Variants in SERTAD2 observed in about 807,000 individuals in gnomAD.
SERTAD2 encodes SERTA domain containing 2, also known as SERTA domain-containing protein 2.
Under a neutral mutation model 15.4 loss-of-function variants are expected in SERTAD2, and 2 were observed. That is an observed-to-expected ratio of 0.13 (90% confidence interval 0.05 to 0.41). SERTAD2 has a LOEUF of 0.41. Ranked by LOEUF, SERTAD2 falls within the 10% of genes least tolerant of loss-of-function variation. The probability of loss-of-function intolerance (pLI) is 0.99; values close to 1 mark genes in which losing one functional copy is unlikely to be tolerated. For missense variants in SERTAD2, 333 were observed against 409.7 expected, an observed-to-expected ratio of 0.81 and a Z score of 1.62; for synonymous variants, 180 against 178.0, an observed-to-expected ratio of 1.01 and a Z score of -0.09.
In SERTAD2 at chr2:64,632,883, GAA is replaced by G. The variant is rs35415115; in HGVS notation, c.*3042_*3043del. On this transcript the variant is annotated 3_prime_UTR_variant, in exon 2 of 2. Coordinates refer to ENST00000313349, the MANE Select transcript of SERTAD2 (RefSeq NM_014755.3). ...AAAAGGAATAAATAACTTATGGGGGGAAAAAAACTCACTTCAAATTCAAAGCT... is the reference window on the plus strand; with the variant it reads ...AAAAGGAATAAATAACTTATGGGGGGAAAAACTCACTTCAAATTCAAAGCT... 1.3e-4 allele frequency: 18 copies of G among 143,594 alleles called. No individual in the cohort carries two copies. The highest frequency in any genetic ancestry group is 2.0e-4 in the African/African-American group (8 of 40,942). The allele number at this position is 143,594 out of a possible 1,614,324, so 8.9% of individuals were successfully genotyped here.
rs139138776 is a variant in SERTAD2, at chr2:64,636,280, C to T, written c.592G>A (p.Gly198Arg). The change falls in exon 2 of 2, where the codon GGG (glycine) becomes AGG (arginine). Residue 198 changes from glycine to arginine, a missense_variant. By Grantham distance (125) the Gly-to-Arg change is moderately radical. Coordinates refer to ENST00000313349, the MANE Select transcript of SERTAD2 (RefSeq NM_014755.3). ...AATAATDSVK[G>R]TSSEAGTQKL... The stretch of plus-strand genomic sequence containing the variant: ...TGGGTGCCAGCCTCGCTGGAGGTCC[C>T]TTTCACACTGTCAGTCGCAGCCGTG... 45 of 1,614,188 alleles carry T rather than the reference C, an allele frequency of 2.8e-5. 1 individual carries two copies. The highest frequency in any genetic ancestry group is 2.4e-4 in the South Asian group (22 of 91,088).
In SERTAD2 at chr2:64,636,387, A is replaced by G. The variant is rs774522095; in HGVS notation, c.485T>C (p.Leu162Pro). 25 of 1,614,138 alleles carry G rather than the reference A, an allele frequency of 1.5e-5. No individual in the cohort carries two copies. The highest frequency in any genetic ancestry group is 2.1e-5 in the Non-Finnish European group (25 of 1,180,018). Residue 162 changes from leucine to proline, a missense_variant, in exon 2 of 2, where the codon CTC becomes CCC. Physicochemically the swap from Leu to Pro is moderately conservative, Grantham distance 98. Transcript: ENST00000313349. ...GGAGAAACTGTCCTTTTCTGGCAAGAGGGCTGGAGGTGACAGTTTGGTGGG... is the reference window on the plus strand; with the variant it reads ...GGAGAAACTGTCCTTTTCTGGCAAGGGGGCTGGAGGTGACAGTTTGGTGGG... ...TAPTKLSPPA[L>P]LPEKDSFSSA...
chr2:64,637,272 A>G (rs1035544414), intron 1 of SERTAD2, among the ~76,000 whole-genome samples: 37 of 152,254 alleles, frequency 2.4e-4, no homozygotes, highest in Admixed American at 6.5e-4. Flanking sequence ...TTAAAGCCCA[A>G]GAAAACACTT....
At chr2:64,645,121 C>T (rs1024381470) in intron 1 of SERTAD2, among the ~76,000 whole-genome samples, 2 of 151,736 alleles carry the variant, frequency 1.3e-5, no homozygotes, top group South Asian at 4.1e-4. Flanking sequence ...GTAAGTAAGA[C>T]AAAGCCTCCC....
At chr2:64,648,005 T>C (rs1215641302) in intron 1 of SERTAD2, among the ~76,000 whole-genome samples, 1 of 152,216 alleles carries the variant, frequency 6.6e-6, no homozygotes, top group Non-Finnish European at 1.5e-5. Flanking sequence ...TTATAACTTA[T>C]CCGTGCAGTC....
At chr2:64,645,272 C>T (rs1674876380) in intron 1 of SERTAD2, among the ~76,000 whole-genome samples, 1 of 152,188 alleles carries the variant, frequency 6.6e-6, no homozygotes. Flanking sequence ...GCGCACCGGC[C>T]GCGCGGGGGC....
At chr2:64,651,342 G>A (rs1347485912) in intron 1 of SERTAD2, among the ~76,000 whole-genome samples, 1 of 152,186 alleles carries the variant, frequency 6.6e-6, no homozygotes, top group Non-Finnish European at 1.5e-5. Context: ...AAAGTAGCAT[G>A]CTGCAAGTTG....
chr2:64,643,931 C>A (rs2104347013), intron 1 of SERTAD2, among the ~76,000 whole-genome samples: 1 of 152,324 alleles, frequency 6.6e-6, no homozygotes, highest in East Asian at 1.9e-4. Flanking sequence ...ATCAGACACA[C>A]TGTCCCATAT....
intron 1 of SERTAD2, among the ~76,000 whole-genome samples, chr2:64,639,731 C>T (rs1363465431): frequency 2.0e-5 from 3 of 152,176 alleles, no homozygotes; most frequent in Non-Finnish European, 2.9e-5. Flanking sequence ...GTATACAGGC[C>T]ATGCAAAATA....
At chr2:64,640,861 C>T (rs1285255135) in intron 1 of SERTAD2, among the ~76,000 whole-genome samples, 2 of 152,194 alleles carry the variant, frequency 1.3e-5, no homozygotes, top group Non-Finnish European at 2.9e-5. Context: ...CACGTGGGTG[C>T]TCCTCCATCT....
rs1157180295 is a variant in SERTAD2 at position 64,636,234 on chromosome 2, T to C, written c.638A>G (p.Glu213Gly). 1.9e-6 allele frequency: 3 copies of C among 1,614,204 alleles called. No individual in the cohort carries two copies. The Admixed American group carries it at 5.0e-5, about 27-fold the overall frequency. Residue 213 changes from glutamate to glycine, a missense_variant, in exon 2 of 2, where the codon GAG becomes GGG. By Grantham distance (98) the Glu-to-Gly change is moderately conservative. Coordinates refer to ENST00000313349, the MANE Select transcript of SERTAD2 (RefSeq NM_014755.3). ...CAGTTTTGAGTCATCTGCGCGGCTC[T>C]CTTGAGGACCGTCGAGTTTCTGGGT... ...AGTQKLDGPQ[E>G]SRADDSKLMD... is the part of the protein sequence containing the mutation.
chr2:64,648,555 C>T (rs1674950490), intron 1 of SERTAD2, among the ~76,000 whole-genome samples: 1 of 152,134 alleles, frequency 6.6e-6, no homozygotes, highest in Non-Finnish European at 1.5e-5. Context: ...TAAAAATAAT[C>T]AGAGTACCAC....
At chr2:64,645,495 A>C (rs887753138) in intron 1 of SERTAD2, among the ~76,000 whole-genome samples, 1 of 152,200 alleles carries the variant, frequency 6.6e-6, no homozygotes, top group Non-Finnish European at 1.5e-5. Flanking sequence ...CTAAAGTCCA[A>C]ATTTTTAAAA....
At chr2:64,653,521 G>A in intron 1 of SERTAD2, 99 bp downstream of exon 1, 1 of 152,892 alleles carries the variant, frequency 6.5e-6, no homozygotes, top group Non-Finnish European at 1.5e-5. Context: ...CGCCCTCCGG[G>A]CTCTCCCAGC....
chr2:64,646,034 C>G (rs1446456242), intron 1 of SERTAD2, among the ~76,000 whole-genome samples: 1 of 152,144 alleles, frequency 6.6e-6, no homozygotes, highest in Non-Finnish European at 1.5e-5. Flanking sequence ...GAATGGCACA[C>G]TTAATTCAAG....
Position 64,633,153 on chromosome 2 carries a change from G to C in SERTAD2, c.*2774C>G, listed in dbSNP as rs1302400240. ...GTTGGGACATCACTTTGTAAGAATAGGATGCAAAAGCAATTAGAACCCTAG... is the reference window on the plus strand; with the variant it reads ...GTTGGGACATCACTTTGTAAGAATACGATGCAAAAGCAATTAGAACCCTAG... On this transcript the variant is annotated 3_prime_UTR_variant, in exon 2 of 2. Coordinates refer to ENST00000313349, the MANE Select transcript of SERTAD2 (RefSeq NM_014755.3). 1 of 152,188 alleles carries C rather than the reference G, an allele frequency of 6.6e-6. No individual in the cohort carries two copies. The highest frequency in any genetic ancestry group is 1.5e-5 in the Non-Finnish European group (1 of 68,040). The allele number at this position is 152,188 out of a possible 1,614,324, so 9.4% of individuals were successfully genotyped here.
intron 1 of SERTAD2, among the ~76,000 whole-genome samples, chr2:64,648,164 T>C (rs183508777): frequency 1.3e-5 from 2 of 152,288 alleles, no homozygotes; most frequent in Non-Finnish European, 2.9e-5. Context: ...TGCAGGATAA[T>C]AGAAATATAC....
At chr2:64,652,840 C>T (rs1284210035) in intron 1 of SERTAD2, among the ~76,000 whole-genome samples, 1 of 25,140 alleles carries the variant, frequency 4.0e-5, no homozygotes, top group East Asian at 1.3e-3. Flanking sequence ...ACCACTTCTG[C>T]TAAAGGTAAC....
rs1194452190 is a variant in SERTAD2 at position 64,636,265 on chromosome 2, C to A, written c.607G>T (p.Ala203Ser). 3.7e-6 allele frequency: 6 copies of A among 1,614,086 alleles called. No individual in the cohort carries two copies. The highest frequency in any genetic ancestry group is 5.1e-6 in the Non-Finnish European group (6 of 1,180,052). ...TDSVKGTSSE[A>S]GTQKLDGPQE... ...GGACCGTCGAGTTTCTGGGTGCCAG[C>A]CTCGCTGGAGGTCCCTTTCACACTG... The change falls in exon 2 of 2, where the codon GCT becomes TCT. Residue 203 changes from alanine (A) to serine (S), a missense_variant. By Grantham distance (99) the Ala-to-Ser change is moderately conservative (BLOSUM62 1). Transcript: ENST00000313349.
Sources: gnomAD v4.1 joint callset for allele counts (sites outside exome capture counted in the v4.1 genomes callset) on GRCh38, gnomAD v4.1.1 for gene constraint, MANE v1.5 for transcripts, NCBI Gene and HGNC (gene_info 2026-07-23, HGNC 2026-07-21) for gene names.